The following SNX29 variants were observed in gnomAD, a reference collection of about 807,000 sequenced individuals.
The protein encoded by SNX29 is sorting nexin-29.
A neutral mutation model predicts 102.1 loss-of-function variants in SNX29; 78 were observed. The ratio of observed to expected loss-of-function variants is 0.76; its 90% CI spans 0.64 to 0.92. The LOEUF is 0.92. SNX29 is among the 40% of genes least tolerant of loss of function. SNX29 has a pLI of 0.00. For missense variants in SNX29, 1,280 were observed against 1,061.7 expected (o/e 1.21, Z -2.86); for synonymous variants, 580 against 414.5 (o/e 1.40, Z -4.85).
Position 12,091,035 on chromosome 16 carries a change from A to AG in SNX29, c.1402+12120_1402+12121insG, listed in dbSNP as rs1486098836. Among the ~76,000 whole-genome samples, 23 of 101,240 alleles carry AG rather than the reference A, an allele frequency of 2.3e-4. No individual in the cohort carries two copies. In the East Asian group the frequency reaches 6.4e-3, roughly 28 times the overall value. 66.4% of individuals were successfully genotyped at this position (101,240 alleles called of 152,430 possible). On this transcript the variant is annotated intron_variant, in intron 11 of 20. Coordinates refer to ENST00000566228, the MANE Select transcript of SNX29 (RefSeq NM_032167.5). Reference sequence around the variant, plus strand: ...ATCTCAAAAAAAAAAAAAAAAAAAAAAAAGAAAGAAAAAGAAAAAAGAGCG... The same window carrying AG: ...ATCTCAAAAAAAAAAAAAAAAAAAAAGAAAGAAAGAAAAAGAAAAAAGAGCG...
At chr16:12,124,330 T>C (rs1258380744) in intron 11 of SNX29, among the ~76,000 whole-genome samples, 1 of 146,662 alleles carries the variant, frequency 6.8e-6, no homozygotes, top group Non-Finnish European at 1.5e-5. Flanking sequence ...CACTCCATCC[T>C]GGGTGACAGA....
intron 14 of SNX29, among the ~76,000 whole-genome samples, chr16:12,228,482 A>G (rs1044102772): frequency 6.6e-6 from 1 of 151,138 alleles, no homozygotes; most frequent in African/African-American, 2.5e-5. Flanking sequence ...TGCTCTGGTC[A>G]CTCTTACCCC....
chr16:12,473,814 C>T (rs979657984), intron 18 of SNX29, among the ~76,000 whole-genome samples: 8 of 152,096 alleles, frequency 5.3e-5, no homozygotes, highest in Non-Finnish European at 1.0e-4. Context: ...TTGTAAATGC[C>T]ATGGCAACAT....
Position 12,322,285 on chromosome 16 carries a change from G to C in SNX29, c.1783-33878G>C, listed in dbSNP as rs187173481. On this transcript the variant is annotated intron_variant, in intron 15 of 20. Transcript: ENST00000566228. ...CACGCTGGAGCTGGGCGAGGAGTCA[G>C]CTTGCCCAGAACTGCATAGGGTCTC... 7.4e-4 allele frequency among the ~76,000 whole-genome samples: 112 copies of C among 152,266 alleles called. 2 individuals carry two copies. The highest frequency in any genetic ancestry group is 7.8e-4 in the Admixed American group (12 of 15,310).
chr16:12,569,518 G>C lies in SNX29; in HGVS notation c.*889G>C, dbSNP rs1053795843. On this transcript the variant is annotated 3_prime_UTR_variant, in exon 21 of 21. Transcript: ENST00000566228. ...CCAGGGTTTTCAAACCAGGCTCCAT[G>C]ACTATGAAGTTGGACCCAGTGTGGA... 1 of 231,738 alleles carries C rather than the reference G, an allele frequency of 4.3e-6. No individual in the cohort carries two copies. The highest frequency in any genetic ancestry group is 2.2e-5 in the African/African-American group (1 of 45,254). The allele number at this position is 231,738 out of a possible 1,614,324, so 14.4% of individuals were successfully genotyped here.
chr16:12,417,159 A>G (rs990692779), intron 18 of SNX29, among the ~76,000 whole-genome samples: 4 of 152,206 alleles, frequency 2.6e-5, no homozygotes, highest in Non-Finnish European at 4.4e-5. Context: ...ATTCTACTCC[A>G]TAATCCATCC....
chr16:12,428,300 G>T (rs981228893), intron 18 of SNX29, among the ~76,000 whole-genome samples: 1 of 152,116 alleles, frequency 6.6e-6, no homozygotes, highest in Non-Finnish European at 1.5e-5. Context: ...TTTGGACATT[G>T]GAATGGCTTG....
intron 3 of SNX29, among the ~76,000 whole-genome samples, chr16:12,024,419 T>G (rs1343219033): frequency 1.3e-5 from 2 of 152,128 alleles, no homozygotes; most frequent in Non-Finnish European, 2.9e-5. Context: ...GTGCTGAGAT[T>G]ATAAGTGTGA....
chr16:12,325,775 C>T (rs1341097069), intron 15 of SNX29, among the ~76,000 whole-genome samples: 4 of 151,788 alleles, frequency 2.6e-5, no homozygotes, highest in African/African-American at 7.3e-5. Flanking sequence ...GCCTGTGATC[C>T]CAATGTTTTG....
intron 15 of SNX29, among the ~76,000 whole-genome samples, chr16:12,350,070 A>C (rs2081951510): frequency 1.3e-5 from 2 of 152,200 alleles, no homozygotes; most frequent in Admixed American, 1.3e-4. Flanking sequence ...TGGCACACCC[A>C]CACCAGTTTG....
In SNX29 at chr16:12,096,023, C is replaced by T. The variant is rs1413732529; in HGVS notation, c.1402+17108C>T. The stretch of plus-strand genomic sequence containing the variant: ...AGTAACATCAGAGAGAGATGCGAGG[C>T]CCCGCAGCCAGCTGCTTGCTTGGCT... On this transcript the variant is annotated intron_variant, in intron 11 of 20. Coordinates refer to ENST00000566228, the MANE Select transcript of SNX29 (RefSeq NM_032167.5). This position sits in a 1 kb window ranked among gnomAD's most constrained non-coding sequence, Gnocchi z 4.2. 6.6e-6 allele frequency among the ~76,000 whole-genome samples: 1 copy of T among 152,222 alleles called. No individual in the cohort carries two copies. Among genetic ancestry groups the T allele is most frequent in the African/African-American group, 2.4e-5 (1 of 41,450 alleles).
chr16:12,505,297 C>T (rs1045911341), intron 19 of SNX29, among the ~76,000 whole-genome samples: 1 of 152,058 alleles, frequency 6.6e-6, no homozygotes, highest in African/African-American at 2.4e-5. Context: ...ACTTTTCATT[C>T]TTCTGGAGAC....
intron 20 of SNX29, among the ~76,000 whole-genome samples, chr16:12,536,728 A>C (rs1476563545): frequency 1.3e-5 from 2 of 152,196 alleles, no homozygotes; most frequent in Non-Finnish European, 2.9e-5. Flanking sequence ...CTGTAATCTC[A>C]ACACTTTGGG....
At chr16:12,420,889 G>T (rs12446082) in intron 18 of SNX29, among the ~76,000 whole-genome samples, 2 of 152,338 alleles carry the variant, frequency 1.3e-5, no homozygotes, top group South Asian at 4.1e-4. Context: ...GGAGCCACCA[G>T]CGCTGCTGAG....
intron 3 of SNX29, among the ~76,000 whole-genome samples, chr16:12,021,762 C>T (rs1024113771): frequency 2.0e-5 from 3 of 151,812 alleles, no homozygotes; most frequent in East Asian, 1.9e-4. Flanking sequence ...CGTGGTGGCC[C>T]GTGGCTGTAA....
At chr16:12,514,649 G>C (rs925249647) in intron 19 of SNX29, among the ~76,000 whole-genome samples, 7 of 152,120 alleles carry the variant, frequency 4.6e-5, no homozygotes, top group Non-Finnish European at 1.0e-4. Context: ...CAAATCACTT[G>C]AGGCCAGGAG....
intron 16 of SNX29, among the ~76,000 whole-genome samples, chr16:12,370,032 C>T (rs2082625557): frequency 6.6e-6 from 1 of 152,020 alleles, no homozygotes; most frequent in Non-Finnish European, 1.5e-5. Context: ...ACCAGCCTGG[C>T]CAACGTGGTG....
intron 15 of SNX29, among the ~76,000 whole-genome samples, chr16:12,281,082 A>T (rs1366131766): frequency 1.3e-5 from 2 of 152,020 alleles, no homozygotes; most frequent in East Asian, 1.9e-4. Flanking sequence ...TAATTTTTTT[A>T]AATTTACTTT....
rs150989032 is a variant in SNX29 at position 12,229,775 on chromosome 16, C to G, written c.1678+30092C>G. 1.8e-4 allele frequency among the ~76,000 whole-genome samples: 28 copies of G among 152,278 alleles called. No homozygotes were observed. In the East Asian group the frequency reaches 5.4e-3, roughly 29 times the overall value. On this transcript the variant is annotated intron_variant, in intron 14 of 20. Transcript: ENST00000566228. ...TCAAAAGGGATGAACTGAGCTGACGCTGAGGTTACCTCTGCAGTCCGACCT... is the reference window on the plus strand; with the variant it reads ...TCAAAAGGGATGAACTGAGCTGACGGTGAGGTTACCTCTGCAGTCCGACCT...
Sources: gnomAD v4.1 joint callset for allele counts (sites outside exome capture counted in the v4.1 genomes callset) on GRCh38, gnomAD v4.1.1 for gene constraint, Gnocchi (gnomAD v3.1) non-coding constraint, MANE v1.5 for transcripts, NCBI Gene and HGNC (gene_info 2026-07-23, HGNC 2026-07-21) for gene names.